The following COBL variants were observed in gnomAD, a reference collection of about 807,000 sequenced individuals.
The protein encoded by COBL is protein cordon-bleu.
In COBL, 51 loss-of-function variants were observed where a neutral mutation model predicts 98.8. That is an observed-to-expected ratio of 0.52 (90% CI 0.41 to 0.65). The LOEUF (loss-of-function observed/expected upper bound fraction) is 0.65. Ranked by LOEUF, COBL falls within the 30% of genes least tolerant of loss-of-function variation. The probability of loss-of-function intolerance (pLI) is 0.00; values close to 1 mark genes in which losing one functional copy is unlikely to be tolerated. For synonymous variants in COBL, 634 were observed against 651.7 expected (o/e 0.97, Z 0.41); for missense variants, 1,617 against 1,617.5 (o/e 1.00, Z 0.01).
intron 1 of COBL, among the ~76,000 whole-genome samples, chr7:51,281,811 A>G (rs1236141926): frequency 1.3e-5 from 2 of 152,188 alleles, no homozygotes; most frequent in Non-Finnish European, 2.9e-5. Context: ...GAATAGAAAT[A>G]GTATGGAAAG....
intron 1 of COBL, among the ~76,000 whole-genome samples, chr7:51,253,079 C>T (rs1321830757): frequency 1.3e-5 from 2 of 151,950 alleles, no homozygotes; most frequent in African/African-American, 4.8e-5. Flanking sequence ...CAAAAATTAC[C>T]CAGTCATGGT....
At chr7:51,100,776 AC>A (rs1443975741) in intron 6 of COBL, among the ~76,000 whole-genome samples, 2 of 152,078 alleles carry the variant, frequency 1.3e-5, no homozygotes. Flanking sequence ...GGTGGCCCAC[AC>A]CTGTAGTCCC....
Position 51,316,630 on chromosome 7 carries a change from C to G in COBL, c.4G>C (p.Asp2His), listed in dbSNP as rs1803637760. The G allele has an allele frequency of 8.3e-7, 1 of 1,200,580 alleles. No individual in the cohort carries two copies. The highest frequency in any genetic ancestry group is 1.0e-6 in the Non-Finnish European group (1 of 967,888). 74.4% of individuals were successfully genotyped at this position (1,200,580 alleles called of 1,614,324 possible). Residue 2 changes from aspartate to histidine, a missense_variant, in exon 1 of 13, where the codon GAC becomes CAC. This residue lies in a region of COBL where 238 missense variants were observed against 215.0 expected (regional missense o/e 1.11). Transcript: ENST00000265136. Reference sequence around the variant, plus strand: ...TTGGCCGCCGAGGCGCGCGGCGCGTCCATGGTGCCGGGGGCCGGGACGCGG... The same window carrying G: ...TTGGCCGCCGAGGCGCGCGGCGCGTGCATGGTGCCGGGGGCCGGGACGCGG... M[D>H]APRASAAKPP...
intron 5 of COBL, among the ~76,000 whole-genome samples, chr7:51,181,437 T>A (rs1788942433): frequency 6.6e-6 from 1 of 152,198 alleles, no homozygotes; most frequent in Admixed American, 6.5e-5. Flanking sequence ...CTGGATGCCA[T>A]AACTCATCTG....
chr7:51,286,486 C>T (rs1584407631), intron 1 of COBL, among the ~76,000 whole-genome samples: 1 of 150,488 alleles, frequency 6.6e-6, no homozygotes, highest in African/African-American at 2.4e-5. Context: ...AATATCCAAA[C>T]AGCCAAGAAA....
chr7:51,240,252 C>T (rs1448271552), intron 1 of COBL, among the ~76,000 whole-genome samples: 1 of 152,308 alleles, frequency 6.6e-6, no homozygotes, highest in African/African-American at 2.4e-5. Context: ...GTCACTTCCA[C>T]ATTGTGAATC....
At chr7:51,026,375 C>T (rs1050525186) in intron 11 of COBL, among the ~76,000 whole-genome samples, 171 bp downstream of exon 11, 2 of 152,230 alleles carry the variant, frequency 1.3e-5, no homozygotes, top group Non-Finnish European at 2.9e-5. Flanking sequence ...GCTCTTGGAG[C>T]AGGGTGTCCA....
intron 7 of COBL, among the ~76,000 whole-genome samples, chr7:51,057,851 G>C (rs905718540): frequency 3.9e-5 from 6 of 152,134 alleles, no homozygotes; most frequent in African/African-American, 1.4e-4. Flanking sequence ...CCCCTTGCGA[G>C]GCAGGGACCC....
chr7:51,069,180 T>C (rs142148210), intron 7 of COBL, among the ~76,000 whole-genome samples: 125 of 151,978 alleles, frequency 8.2e-4, no homozygotes, highest in African/African-American at 2.9e-3. Flanking sequence ...AGAGACCAGG[T>C]AGGAGAGAGA....
At chr7:51,300,958 C>T (rs1342174269) in intron 1 of COBL, among the ~76,000 whole-genome samples, 1 of 152,162 alleles carries the variant, frequency 6.6e-6, no homozygotes, top group Admixed American at 6.5e-5. Flanking sequence ...TGTGTGACCG[C>T]GGGGTCCAGA....
At chr7:51,160,372 A>T (rs959182402) in intron 5 of COBL, among the ~76,000 whole-genome samples, 12 of 152,342 alleles carry the variant, frequency 7.9e-5, no homozygotes, top group Admixed American at 5.9e-4. Context: ...TGACACAGTC[A>T]TCAAGGGAAA....
At chr7:51,243,738 G>A (rs926572178) in intron 1 of COBL, among the ~76,000 whole-genome samples, 3 of 152,228 alleles carry the variant, frequency 2.0e-5, no homozygotes, top group African/African-American at 7.2e-5. Flanking sequence ...GATTGTCGGA[G>A]TTGGGGACGG....
intron 1 of COBL, among the ~76,000 whole-genome samples, chr7:51,230,280 G>C (rs952422631): frequency 2.0e-5 from 3 of 152,080 alleles, no homozygotes; most frequent in Admixed American, 6.5e-5. Flanking sequence ...ACCCAATGAA[G>C]AGCTCTCCGG....
chr7:51,034,994 T>G (rs1384399898), intron 8 of COBL: 1 of 152,146 alleles, frequency 6.6e-6, no homozygotes, highest in African/African-American at 2.4e-5. Context: ...TACTGGGGCA[T>G]GCAATATGAG....
At chr7:51,315,159 G>A (rs1397611210) in intron 1 of COBL, among the ~76,000 whole-genome samples, 1 of 151,826 alleles carries the variant, frequency 6.6e-6, no homozygotes, top group African/African-American at 2.4e-5. Flanking sequence ...CTGTTATTTT[G>A]GGATGCCTAT....
intron 1 of COBL, among the ~76,000 whole-genome samples, chr7:51,243,559 A>G (rs1796004854): frequency 6.6e-6 from 1 of 152,262 alleles, no homozygotes; most frequent in Non-Finnish European, 1.5e-5. Context: ...CACCCGTGCC[A>G]CGGGCTAGCC....
chr7:51,184,718 A>G (rs542604834), intron 4 of COBL, among the ~76,000 whole-genome samples: 7 of 152,330 alleles, frequency 4.6e-5, no homozygotes, highest in South Asian at 2.1e-4. Context: ...GGCTTACAGC[A>G]TATCAGTGTG....
chr7:51,027,552 A>C (rs975164657), intron 10 of COBL, among the ~76,000 whole-genome samples, 160 bp downstream of exon 10: 1 of 152,228 alleles, frequency 6.6e-6, no homozygotes, highest in Admixed American at 6.5e-5. Flanking sequence ...ATCTGGAGGC[A>C]GTATGATGGG....
chr7:51,060,567 A>G (rs570931696), intron 7 of COBL, among the ~76,000 whole-genome samples: 1 of 152,244 alleles, frequency 6.6e-6, no homozygotes, highest in African/African-American at 2.4e-5. Context: ...TGTTCTCCAG[A>G]AGGCTGTGTA....
Sources: gnomAD v4.1 joint callset for allele counts (sites outside exome capture counted in the v4.1 genomes callset) on GRCh38, gnomAD v4.1.1 for gene constraint, gnomAD v4.1.1 regional missense constraint, MANE v1.5 for transcripts, NCBI Gene and HGNC (gene_info 2026-07-23, HGNC 2026-07-21) for gene names.